Variants in TNFRSF8 observed in about 807,000 individuals in gnomAD.
The protein encoded by TNFRSF8 is TNF receptor superfamily member 8.
TNFRSF8 carries 26 observed loss-of-function variants against 70.8 expected under a neutral mutation model. That is an observed-to-expected ratio of 0.37 (90% CI 0.27 to 0.51). TNFRSF8 has a LOEUF of 0.51. TNFRSF8 is among the 20% of genes least tolerant of loss of function. TNFRSF8 has a pLI of 0.94. For synonymous variants in TNFRSF8, 356 were observed against 339.2 expected, an observed-to-expected ratio of 1.05 and a Z score of -0.54; for missense variants, 720 against 807.9, an observed-to-expected ratio of 0.89 and a Z score of 1.32.
rs759256517 is a variant in TNFRSF8, at chr1:12,110,299, C to T, written c.676+95C>T. 7.7e-7 allele frequency: 1 copy of T among 1,301,172 alleles called. No homozygotes were observed. The highest frequency in any genetic ancestry group is 1.0e-6 in the Non-Finnish European group (1 of 969,472). 80.6% of individuals were successfully genotyped at this position (1,301,172 alleles called of 1,614,324 possible). On this transcript the variant is annotated intron_variant, in intron 6 of 14. Transcript: ENST00000263932. The surrounding 1 kb of genome is among the most constrained non-coding windows in gnomAD (Gnocchi z 4.0). The stretch of plus-strand genomic sequence containing the variant: ...GTGTTTGGAGCAGGCGGGCAGTGAT[C>T]TGTGGTCTTTTCCTGGTGGGGAGAG...
rs755154401 is a variant in TNFRSF8, at chr1:12,138,250, G to A, written c.1357G>A (p.Val453Met). The stretch of plus-strand genomic sequence containing the variant: ...ACAGCAGCTGAGGAGTGGTGCGTCG[G>A]TGACAGAACCCGTCGCGGAAGAGCG... ...SSTQLRSGAS[V>M]TEPVAEERGL... is the part of the protein sequence containing the mutation. Residue 453 changes from valine (V) to methionine (M), a missense_variant, in exon 14 of 15, where the codon GTG (valine) becomes ATG (methionine). Coordinates refer to ENST00000263932, the MANE Select transcript of TNFRSF8 (RefSeq NM_001243.5). This position sits in a 1 kb window ranked among gnomAD's most constrained non-coding sequence, Gnocchi z 5.7. The A allele has an allele frequency of 6.2e-7, 1 of 1,613,644 alleles. No individual in the cohort carries two copies.
chr1:12,089,325 A>G (rs1557581887), intron 2 of TNFRSF8, among the ~76,000 whole-genome samples: 1 of 152,154 alleles, frequency 6.6e-6, no homozygotes, highest in Non-Finnish European at 1.5e-5. Flanking sequence ...GAATAGGTGA[A>G]TGAATGAATA....
intron 2 of TNFRSF8, among the ~76,000 whole-genome samples, chr1:12,091,721 A>G (rs952906266): frequency 2.6e-5 from 4 of 152,202 alleles, no homozygotes; most frequent in African/African-American, 9.7e-5. Context: ...AAAGTACCTC[A>G]GGCTGAGTGG....
chr1:12,137,962 A>G (rs1337795750), intron 13 of TNFRSF8, among the ~76,000 whole-genome samples: 1 of 152,206 alleles, frequency 6.6e-6, no homozygotes, highest in Admixed American at 6.5e-5. Flanking sequence ...GAGGATTAAC[A>G]TATGTCAAGG....
rs146142980 is a variant in TNFRSF8 at position 12,119,115 on chromosome 1, G to T, written c.946+3386G>T. ...CCTGACCTGGTGATCCGCCTGCCTCGGCCTCGCAAAAGTGCTGGGATTACC... is the reference window on the plus strand; with the variant it reads ...CCTGACCTGGTGATCCGCCTGCCTCTGCCTCGCAAAAGTGCTGGGATTACC... On this transcript the variant is annotated intron_variant, in intron 8 of 14. Transcript: ENST00000263932. The surrounding 1 kb of genome is among the most constrained non-coding windows in gnomAD (Gnocchi z 4.4). Among the ~76,000 whole-genome samples the T allele has an allele frequency of 1.3e-5, 2 of 152,246 alleles. No individual in the cohort carries two copies. The highest frequency in any genetic ancestry group is 4.1e-4 in the South Asian group (2 of 4,822).
rs1261733237 is a variant in TNFRSF8, at chr1:12,119,771, C to A, written c.947-3513C>A. Among the ~76,000 whole-genome samples, 1 of 151,928 alleles carries A rather than the reference C, an allele frequency of 6.6e-6. No individual in the cohort carries two copies. Among genetic ancestry groups the A allele is most frequent in the African/African-American group, 2.4e-5 (1 of 41,362 alleles). Reference sequence around the variant, plus strand: ...CATGAGCCACCATGACTGGCCGATTCTTGTACAAGTCTTTGGGTGGATGTA... The same window carrying A: ...CATGAGCCACCATGACTGGCCGATTATTGTACAAGTCTTTGGGTGGATGTA... On this transcript the variant is annotated intron_variant, in intron 8 of 14. Coordinates refer to ENST00000263932, the MANE Select transcript of TNFRSF8 (RefSeq NM_001243.5). This position sits in a 1 kb window ranked among gnomAD's most constrained non-coding sequence, Gnocchi z 4.4.
Position 12,097,144 on chromosome 1 carries a change from C to T in TNFRSF8, c.195C>T (p.Cys65=). The T allele has an allele frequency of 2.5e-6, 4 of 1,614,090 alleles. No homozygotes were observed. Among genetic ancestry groups the T allele is most frequent in the Non-Finnish European group, 3.4e-6 (4 of 1,179,974 alleles). ...TQQCPQRPTD[C]RKQCEPDYYL... ...AGTGCCCACAGAGGCCTACTGACTG[C>T]AGGAAGCAGTGTGAGCCTGACTACT... The change falls in exon 3 of 15, where the codon TGC becomes TGT. Residue 65 remains cysteine, a synonymous_variant. Transcript: ENST00000263932.
chr1:12,074,743 A>T lies in TNFRSF8; in HGVS notation c.64-9721A>T, dbSNP rs143404130. ...GGTTCTGAGAAGCCCCGTGATCTAAAATGGAAACCTCTCGAATGGACTCCA... is the reference window on the plus strand; with the variant it reads ...GGTTCTGAGAAGCCCCGTGATCTAATATGGAAACCTCTCGAATGGACTCCA... On this transcript the variant is annotated intron_variant, in intron 1 of 14. Transcript: ENST00000263932. Among the ~76,000 whole-genome samples, 527 of 152,266 alleles carry T rather than the reference A, an allele frequency of 3.5e-3. 8 individuals are homozygous for T. Among genetic ancestry groups the T allele is most frequent in the Non-Finnish European group, 5.2e-3 (351 of 68,004 alleles).
intron 1 of TNFRSF8, among the ~76,000 whole-genome samples, chr1:12,073,204 A>G (rs1640877415): frequency 6.6e-6 from 1 of 152,174 alleles, no homozygotes; most frequent in South Asian, 2.1e-4. Flanking sequence ...GGCTGTAGTG[A>G]GCCGTGTTCA....
Position 12,111,904 on chromosome 1 carries a change from C to A in TNFRSF8, c.683C>A (p.Ser228Tyr). The change falls in exon 7 of 15, where the codon TCC becomes TAC. Residue 228 changes from serine (S) to tyrosine (Y), a missense_variant. Transcript: ENST00000263932. ...VGRPSSDPGLSPTQPCPEGSG... is the reference protein window; with the variant it reads ...VGRPSSDPGLYPTQPCPEGSG... ...TCTCTGCTTCTTTCCCCAGGTCTGTCCCCAACACAGCCATGCCCAGAGGGG... is the reference window on the plus strand; with the variant it reads ...TCTCTGCTTCTTTCCCCAGGTCTGTACCCAACACAGCCATGCCCAGAGGGG... 1 of 1,614,096 alleles carries A rather than the reference C, an allele frequency of 6.2e-7. No individual in the cohort carries two copies. Among genetic ancestry groups the A allele is most frequent in the Non-Finnish European group, 8.5e-7 (1 of 1,179,936 alleles).
At chr1:12,071,632 C>T (rs753745816) in intron 1 of TNFRSF8, among the ~76,000 whole-genome samples, 8 of 151,514 alleles carry the variant, frequency 5.3e-5, no homozygotes, top group African/African-American at 9.7e-5. Flanking sequence ...CTCGATCTCT[C>T]GGCTCACTGC....
At chr1:12,096,053 A>C (rs1641325399) in intron 2 of TNFRSF8, among the ~76,000 whole-genome samples, 1 of 151,904 alleles carries the variant, frequency 6.6e-6, no homozygotes, top group African/African-American at 2.4e-5. Flanking sequence ...CTTTTGTGAA[A>C]CTCTCAGAGA....
Position 12,126,104 on chromosome 1 carries a change from G to T in TNFRSF8, c.1255+52G>T, listed in dbSNP as rs376973924. ...GGGGAGGACAGGTTGCTCTCTGCCA[G>T]CCTGGCCTGGGTTCTTTCCCTGCCT... On this transcript the variant is annotated intron_variant, in intron 11 of 14. Coordinates refer to ENST00000263932, the MANE Select transcript of TNFRSF8 (RefSeq NM_001243.5). 16 of 1,612,230 alleles carry T rather than the reference G, an allele frequency of 9.9e-6. No individual in the cohort carries two copies. The African/African-American group carries it at 2.1e-4, about 21-fold the overall frequency.
chr1:12,138,127 C>T lies in TNFRSF8; in HGVS notation c.1336-102C>T, dbSNP rs566421309. 1.7e-6 allele frequency: 2 copies of T among 1,209,796 alleles called. No homozygotes were observed. Among genetic ancestry groups the T allele is most frequent in the Admixed American group, 2.6e-5 (1 of 39,160 alleles). 74.9% of individuals were successfully genotyped at this position (1,209,796 alleles called of 1,614,324 possible). On this transcript the variant is annotated intron_variant, in intron 13 of 14. Transcript: ENST00000263932. The surrounding 1 kb of genome is among the most constrained non-coding windows in gnomAD (Gnocchi z 5.7). The stretch of plus-strand genomic sequence containing the variant: ...AGCTTTTAAAGCAGAAAGGGGGACT[C>T]ACTGGGGTCTGTAGAGATGAAAAAA...
At position 12,133,819 on chromosome 1, in the gene TNFRSF8, G is replaced by A. The variant is rs967792209; in HGVS notation, c.1310-1769G>A. Among the ~76,000 whole-genome samples, 4 of 151,738 alleles carry A rather than the reference G, an allele frequency of 2.6e-5. 1 individual carries two copies. Among genetic ancestry groups the A allele is most frequent in the South Asian group, 4.2e-4 (2 of 4,788 alleles). On this transcript the variant is annotated intron_variant, in intron 12 of 14. Coordinates refer to ENST00000263932, the MANE Select transcript of TNFRSF8 (RefSeq NM_001243.5). ...TGTAATCCCAGCACTTCGAGAGGCC[G>A]AGGCGGGCAGATCACCTGAGGTCAG... is the stretch of plus-strand genomic sequence containing the variant.
intron 1 of TNFRSF8, among the ~76,000 whole-genome samples, chr1:12,081,996 T>C (rs189316728): frequency 2.6e-5 from 4 of 151,888 alleles, no homozygotes; most frequent in African/African-American, 9.7e-5. Flanking sequence ...CTGCTTCCCT[T>C]CTCTTGCCTC....
intron 1 of TNFRSF8, among the ~76,000 whole-genome samples, chr1:12,077,659 T>C (rs909944672): frequency 6.6e-6 from 1 of 152,002 alleles, no homozygotes; most frequent in Admixed American, 6.6e-5. Flanking sequence ...CCAGAGGAAG[T>C]GGCACTCATG....
At chr1:12,121,829 A>G (rs1223827020) in intron 8 of TNFRSF8, among the ~76,000 whole-genome samples, 2 of 152,238 alleles carry the variant, frequency 1.3e-5, no homozygotes, top group African/African-American at 4.8e-5. Flanking sequence ...AACAACCCAA[A>G]TGTCCATCAA....
Position 12,142,769 on chromosome 1 carries a change from A to G in TNFRSF8, c.*238A>G, listed in dbSNP as rs984535133. ...GGGGCTTGTACAGAAGAGACAGTCC[A>G]AGGGGACTGGATCCCAGCAGTGATG... On this transcript the variant is annotated 3_prime_UTR_variant, in exon 15 of 15. Transcript: ENST00000263932. This position sits in a 1 kb window ranked among gnomAD's most constrained non-coding sequence, Gnocchi z 5.0. The G allele has an allele frequency of 2.8e-5, 15 of 538,936 alleles. No homozygotes were observed. The highest frequency in any genetic ancestry group is 9.9e-5 in the Admixed American group (3 of 30,308). 33.4% of individuals were successfully genotyped at this position (538,936 alleles called of 1,614,324 possible). A position where few individuals can be genotyped will look rare whatever the true frequency, so the allele number is the denominator to read the frequency against.
Sources: gnomAD v4.1 joint callset for allele counts (sites outside exome capture counted in the v4.1 genomes callset) on GRCh38, gnomAD v4.1.1 for gene constraint, Gnocchi (gnomAD v3.1) non-coding constraint, MANE v1.5 for transcripts, NCBI Gene and HGNC (gene_info 2026-07-23, HGNC 2026-07-21) for gene names.